Variants in MYO5B observed in about 807,000 individuals in gnomAD.
MYO5B encodes the protein unconventional myosin-Vb.
Under a neutral mutation model 229.3 loss-of-function variants are expected in MYO5B, and 143 were observed. The ratio of observed to expected loss-of-function variants is 0.62; its 90% confidence interval spans 0.54 to 0.72. MYO5B has a LOEUF of 0.72. Among genes scored for constraint, MYO5B ranks in the 30% least tolerant of loss-of-function variants. The pLI is 0.00. For missense variants in MYO5B, 2,321 were observed against 2,331.0 expected, an observed-to-expected ratio of 1.00 and a Z score of 0.09; for synonymous variants, 918 against 885.2, an observed-to-expected ratio of 1.04 and a Z score of -0.66.
At chr18:50,140,012 A>G (rs1309562756) in intron 1 of MYO5B, among the ~76,000 whole-genome samples, 1 of 143,826 alleles carries the variant, frequency 7.0e-6, no homozygotes, top group Non-Finnish European at 1.5e-5. Context: ...AAAATTACAA[A>G]CAACCTAGGG....
intron 5 of MYO5B, among the ~76,000 whole-genome samples, chr18:49,999,211 T>C (rs1415516154): frequency 1.3e-5 from 2 of 152,258 alleles, no homozygotes; most frequent in Non-Finnish European, 1.5e-5. Flanking sequence ...ATGTCTCTGA[T>C]ATCTTACTGC....
chr18:49,915,378 C>G (rs1018776056), intron 17 of MYO5B, among the ~76,000 whole-genome samples: 1 of 152,172 alleles, frequency 6.6e-6, no homozygotes, highest in Non-Finnish European at 1.5e-5. Flanking sequence ...GTGTCACGCA[C>G]GTAGTGGCAC....
intron 22 of MYO5B, among the ~76,000 whole-genome samples, chr18:49,887,217 T>C (rs979605715): frequency 6.6e-6 from 1 of 152,126 alleles, no homozygotes; most frequent in Non-Finnish European, 1.5e-5. Flanking sequence ...TTAGGTGGCA[T>C]TCATAGGACT....
chr18:49,842,685 C>T (rs1224754613), intron 34 of MYO5B, among the ~76,000 whole-genome samples: 1 of 152,216 alleles, frequency 6.6e-6, no homozygotes, highest in South Asian at 2.1e-4. Context: ...GCACTACATT[C>T]AAGAAGAGCC....
intron 1 of MYO5B, among the ~76,000 whole-genome samples, chr18:50,064,678 A>G (rs530778492): frequency 4.3e-4 from 65 of 152,302 alleles, no homozygotes; most frequent in Middle Eastern, 3.4e-3. Flanking sequence ...CATCTCTATA[A>G]AAGACCAGTA....
intron 1 of MYO5B, among the ~76,000 whole-genome samples, chr18:50,108,519 A>G (rs1428553495): frequency 1.3e-5 from 2 of 152,154 alleles, no homozygotes; most frequent in Non-Finnish European, 2.9e-5. Context: ...CACAATTTCA[A>G]CATGATTGTA....
chr18:50,081,742 T>A (rs997487270), intron 1 of MYO5B, among the ~76,000 whole-genome samples: 15 of 151,932 alleles, frequency 9.9e-5, no homozygotes, highest in Non-Finnish European at 1.0e-4. Flanking sequence ...GATTCACACA[T>A]GCAACCTTTT....
intron 17 of MYO5B, among the ~76,000 whole-genome samples, chr18:49,916,360 C>A (rs187457443): frequency 1.3e-5 from 2 of 152,166 alleles, no homozygotes; most frequent in African/African-American, 4.8e-5. Flanking sequence ...TGATGCCGGC[C>A]GGCAGTGCGA....
At chr18:50,103,908 A>G (rs921030891) in intron 1 of MYO5B, among the ~76,000 whole-genome samples, 1 of 151,962 alleles carries the variant, frequency 6.6e-6, no homozygotes, top group Admixed American at 6.6e-5. Flanking sequence ...CTGGGAACAC[A>G]GTTTACAAAT....
chr18:49,954,301 G>A lies in MYO5B; in HGVS notation c.1668+12C>T, dbSNP rs370548145. ...CCAAGGGAATACCCGAGCCAACAGA[G>A]AGGAGAGCCACCTTGTCTGCAAAGT... On this transcript the variant is annotated intron_variant, in intron 13 of 39. Transcript: ENST00000285039. The A allele has an allele frequency of 3.1e-6, 5 of 1,613,804 alleles. No individual in the cohort carries two copies. The highest frequency in any genetic ancestry group is 4.2e-6 in the Non-Finnish European group (5 of 1,179,830).
chr18:49,839,365 G>A (rs1252240011), intron 35 of MYO5B, 71 bp from the exon 36 acceptor site: 3 of 1,570,576 alleles, frequency 1.9e-6, no homozygotes, highest in East Asian at 4.5e-5. Context: ...CAGGGCTCTG[G>A]TAACTTTAGT....
chr18:49,988,562 C>A (rs550648458), intron 7 of MYO5B, among the ~76,000 whole-genome samples: 6 of 152,176 alleles, frequency 3.9e-5, no homozygotes, highest in African/African-American at 1.4e-4. Context: ...TTCCCCATTA[C>A]CTTAGAATTA....
At chr18:50,158,660 C>T (rs922517920) in intron 1 of MYO5B, among the ~76,000 whole-genome samples, 1 of 152,146 alleles carries the variant, frequency 6.6e-6, no homozygotes, top group Non-Finnish European at 1.5e-5. Flanking sequence ...GTGAAAAACC[C>T]AAGGCCCAAG....
intron 2 of MYO5B, among the ~76,000 whole-genome samples, chr18:50,045,698 T>A (rs2144401373): frequency 6.6e-6 from 1 of 152,226 alleles, no homozygotes. Context: ...CCTCCAAGAG[T>A]TAATATATTT....
intron 1 of MYO5B, among the ~76,000 whole-genome samples, chr18:50,078,036 G>A (rs1359580962): frequency 2.6e-5 from 4 of 152,222 alleles, no homozygotes; most frequent in African/African-American, 7.2e-5. Context: ...GAATCAAGAT[G>A]ACAACACAGA....
intron 2 of MYO5B, among the ~76,000 whole-genome samples, chr18:50,043,218 G>A (rs1416661550): frequency 2.8e-5 from 4 of 141,160 alleles, no homozygotes; most frequent in Non-Finnish European, 4.5e-5. Flanking sequence ...AAATTGTGGT[G>A]TGTGTGTATA....
intron 18 of MYO5B, among the ~76,000 whole-genome samples, chr18:49,907,669 C>A (rs2024914458): frequency 6.6e-6 from 1 of 152,260 alleles, no homozygotes; most frequent in South Asian, 2.1e-4. Flanking sequence ...AATGCTGAAT[C>A]ATCATTCTTC....
intron 1 of MYO5B, among the ~76,000 whole-genome samples, chr18:50,185,289 TA>T (rs202116346): frequency 0.011 from 1,534 of 138,908 alleles, 22 homozygotes; most frequent in African/African-American, 0.033. Context: ...AATAAGAATT[TA>T]AAAAAAAAAA....
intron 20 of MYO5B, among the ~76,000 whole-genome samples, chr18:49,903,285 A>G (rs2024864652): frequency 6.6e-6 from 1 of 151,080 alleles, no homozygotes; most frequent in South Asian, 2.1e-4. Context: ...TTTTTTTTCT[A>G]CCAAGTTAAA....
Sources: gnomAD v4.1 joint callset for allele counts (sites outside exome capture counted in the v4.1 genomes callset) on GRCh38, gnomAD v4.1.1 for gene constraint, MANE v1.5 for transcripts, NCBI Gene and HGNC (gene_info 2026-07-23, HGNC 2026-07-21) for gene names.